PPHLN1: variants seen among roughly 807,000 people sequenced by gnomAD.
The protein encoded by PPHLN1 is periphilin-1.
In PPHLN1, 29 loss-of-function variants were observed where a neutral mutation model predicts 51.3. The observed-to-expected ratio is 0.57, with a 90% CI of 0.42 to 0.77. PPHLN1 has a LOEUF of 0.77. Ranked by LOEUF, PPHLN1 falls within the 30% of genes least tolerant of loss-of-function variation. PPHLN1 has a pLI of 0.00. For missense variants in PPHLN1, 436 were observed against 438.4 expected (o/e 0.99, Z 0.05); for synonymous variants, 147 against 147.8 (o/e 0.99, Z 0.04).
intron 4 of PPHLN1, chr12:42,361,772 T>A (rs1408321238): frequency 6.6e-6 from 1 of 152,226 alleles, no homozygotes; most frequent in Non-Finnish European, 1.5e-5. Context: ...TTAATTCTGG[T>A]GAGTACAGAA....
At position 42,393,639 on chromosome 12, in the gene PPHLN1, A is replaced by G. The variant is rs760300160; in HGVS notation, c.718A>G (p.Lys240Glu). The change falls in exon 8 of 10, where the codon AAG becomes GAG. Residue 240 changes from lysine (K) to glutamate (E), a missense_variant. Transcript: ENST00000358314. ...GGCTGCAAGCAAGTGGGCTGCTGAAAAGCTAGAGAAATCAGATGAAAGTAA... is the reference window on the plus strand; with the variant it reads ...GGCTGCAAGCAAGTGGGCTGCTGAAGAGCTAGAGAAATCAGATGAAAGTAA... The part of the protein sequence containing the change: ...AEAASKWAAE[K>E]LEKSDESNLP... The G allele has an allele frequency of 1.2e-6, 2 of 1,611,770 alleles. No individual in the cohort carries two copies. Among genetic ancestry groups the G allele is most frequent in the Non-Finnish European group, 1.7e-6 (2 of 1,179,156 alleles).
chr12:42,351,960 A>C lies in PPHLN1; in HGVS notation c.148A>C (p.Asn50His), dbSNP rs1322102132. The change falls in exon 3 of 10, where the codon AAT becomes CAT. Residue 50 changes from asparagine to histidine, a missense_variant. Transcript: ENST00000358314. ...LLDRPGEGSY[N>H]RYYSHVDYRD... ...AGACAGACCTGGTGAAGGAAGCTAC[A>C]ATAGATATTACAGTCATGTTGATTA... is the stretch of plus-strand genomic sequence containing the variant. 6.3e-7 allele frequency: 1 copy of C among 1,585,822 alleles called. No individual in the cohort carries two copies. Among genetic ancestry groups the C allele is most frequent in the African/African-American group, 1.4e-5 (1 of 72,894 alleles).
chr12:42,420,652 TTCCCTCCTTCCCTCCC>T (rs2080908241), intron 9 of PPHLN1, among the ~76,000 whole-genome samples: 1 of 122,956 alleles, frequency 8.1e-6, no homozygotes. Context: ...CCTTCCTTCC[TTCCCTCCTTCCCTCCC>T]GCCCTCCCCT....
intron 4 of PPHLN1, among the ~76,000 whole-genome samples, chr12:42,371,912 G>T (rs2075838122): frequency 6.6e-6 from 1 of 152,028 alleles, no homozygotes; most frequent in Admixed American, 6.5e-5. Flanking sequence ...CTATATTTCT[G>T]TTAGATAATA....
intron 2 of PPHLN1, chr12:42,350,383 G>A: frequency 6.2e-6 from 1 of 161,226 alleles, no homozygotes; most frequent in Non-Finnish European, 1.3e-5. Flanking sequence ...CCAGGCAGAG[G>A]GGCTCCTCAC....
At chr12:42,397,974 G>A (rs996142061) in intron 8 of PPHLN1, among the ~76,000 whole-genome samples, 2 of 149,238 alleles carry the variant, frequency 1.3e-5, no homozygotes, top group East Asian at 4.1e-4. Flanking sequence ...CGCCTGCCTC[G>A]GGTTTTTTTT....
At chr12:42,440,212 T>TA in intron 9 of PPHLN1, among the ~76,000 whole-genome samples, 1 of 151,888 alleles carries the variant, frequency 6.6e-6, no homozygotes, top group South Asian at 2.1e-4. Flanking sequence ...TTGTTAGACT[T>TA]ATACTTAAGG....
chr12:42,330,307 C>T lies in PPHLN1; in HGVS notation c.-21+4078C>T, dbSNP rs1469811220. On this transcript the variant is annotated intron_variant, in intron 1 of 9. Transcript: ENST00000358314. ...GCAGAGGCCTTCCTCTTACCTCAAC[C>T]GCAAGAGGCCTTCCTCTTTTACTGA... 4.6e-5 allele frequency among the ~76,000 whole-genome samples: 7 copies of T among 152,174 alleles called. No individual in the cohort carries two copies. In the South Asian group the frequency reaches 1.2e-3, roughly 27 times the overall value.
downstream of PPHLN1, chr12:42,445,417 T>TA (rs1308525890): frequency 1.7e-5 from 6 of 354,004 alleles, no homozygotes; most frequent in East Asian, 3.9e-4. Context: ...CCTAATCAGT[T>TA]ATGGCAAACA....
At chr12:42,391,626 T>A (rs935050415) in intron 7 of PPHLN1, among the ~76,000 whole-genome samples, 2 of 151,700 alleles carry the variant, frequency 1.3e-5, no homozygotes, top group African/African-American at 4.8e-5. Context: ...CCTCACCCCC[T>A]GGAAAAAAAA....
intron 5 of PPHLN1, among the ~76,000 whole-genome samples, chr12:42,382,578 T>C (rs1315795298): frequency 6.6e-6 from 1 of 152,218 alleles, no homozygotes; most frequent in African/African-American, 2.4e-5. Flanking sequence ...GTAGCAAGCC[T>C]GTTAGTTAGA....
chr12:42,399,313 A>C, intron 9 of PPHLN1: 1 of 875,686 alleles, frequency 1.1e-6, no homozygotes, highest in African/African-American at 1.8e-5. Context: ...GCAAAATGTT[A>C]GCAAATGTTA....
intron 9 of PPHLN1, among the ~76,000 whole-genome samples, chr12:42,402,770 T>C (rs926002471): frequency 6.6e-6 from 1 of 152,142 alleles, no homozygotes; most frequent in African/African-American, 2.4e-5. Context: ...CAGTAATTAG[T>C]ATTTGTTGAG....
At chr12:42,349,799 C>G (rs1288605010) in intron 2 of PPHLN1, among the ~76,000 whole-genome samples, 2 of 152,188 alleles carry the variant, frequency 1.3e-5, no homozygotes, top group Non-Finnish European at 2.9e-5. Context: ...TCTCCTACGT[C>G]TACTTCTTTC....
chr12:42,329,082 T>C (rs1170903030), intron 1 of PPHLN1, among the ~76,000 whole-genome samples: 1 of 150,534 alleles, frequency 6.6e-6, no homozygotes, highest in Non-Finnish European at 1.5e-5. Context: ...TGTTTAGTTG[T>C]CTGGAATTTC....
At chr12:42,355,441 T>A (rs1390602110) in intron 4 of PPHLN1, 1 of 438,328 alleles carries the variant, frequency 2.3e-6, no homozygotes, top group African/African-American at 2.0e-5. Flanking sequence ...TAAAAAAATA[T>A]TTAAAAATAT....
chr12:42,437,176 T>G (rs1424480486), intron 9 of PPHLN1, among the ~76,000 whole-genome samples: 2 of 152,230 alleles, frequency 1.3e-5, no homozygotes, highest in Admixed American at 1.3e-4. Flanking sequence ...AGGGTGAATA[T>G]CCTATGCTCT....
intron 4 of PPHLN1, chr12:42,361,386 A>AT (rs2074666139): frequency 1.3e-5 from 2 of 152,198 alleles, no homozygotes; most frequent in Admixed American, 6.5e-5. Context: ...ACTAAGACAA[A>AT]TATAATGGGT....
chr12:42,358,287 T>G (rs1383045547), intron 4 of PPHLN1, among the ~76,000 whole-genome samples: 1 of 152,286 alleles, frequency 6.6e-6, no homozygotes, highest in East Asian at 1.9e-4. Context: ...TAAAAACATA[T>G]ATATAAATCT....
Sources: gnomAD v4.1 joint callset for allele counts (sites outside exome capture counted in the v4.1 genomes callset) on GRCh38, gnomAD v4.1.1 for gene constraint, MANE v1.5 for transcripts, NCBI Gene and HGNC (gene_info 2026-07-23, HGNC 2026-07-21) for gene names.